The following FRMD4A variants were observed in gnomAD, a reference collection of about 807,000 sequenced individuals.
FRMD4A encodes FERM domain containing 4A, also known as FERM domain-containing protein 4A.
In FRMD4A, 29 loss-of-function variants were observed where a neutral mutation model predicts 129.1. That is an observed-to-expected ratio of 0.22 (90% CI 0.17 to 0.31). The LOEUF is 0.31. FRMD4A is among the 10% of genes least tolerant of loss of function. FRMD4A has a pLI of 1.00. For missense variants in FRMD4A, 1,272 were observed against 1,375.8 expected (o/e 0.92, Z 1.19); for synonymous variants, 634 against 571.6 (o/e 1.11, Z -1.56).
chr10:13,700,865 TA>T (rs5783344), intron 14 of FRMD4A, among the ~76,000 whole-genome samples: 105,562 of 115,836 alleles, frequency 0.91, 49,109 homozygotes, highest in East Asian at 1. Flanking sequence ...AGTTTTGCAT[TA>T]AAAAAAAAAA....
chr10:14,269,293 T>C (rs1346631421), intron 2 of FRMD4A, among the ~76,000 whole-genome samples: 1 of 152,196 alleles, frequency 6.6e-6, no homozygotes, highest in East Asian at 1.9e-4. Flanking sequence ...TCATCCATGG[T>C]TGTATTCATT....
chr10:13,673,688 A>G (rs1257773784), intron 16 of FRMD4A, among the ~76,000 whole-genome samples: 1 of 152,058 alleles, frequency 6.6e-6, no homozygotes, highest in Non-Finnish European at 1.5e-5. Context: ...AAAGGTGGAA[A>G]TGGATATTTA....
chr10:13,774,422 C>T (rs370469224), intron 6 of FRMD4A, among the ~76,000 whole-genome samples: 6 of 152,248 alleles, frequency 3.9e-5, no homozygotes, highest in African/African-American at 9.6e-5. Context: ...ATGAGAGGTT[C>T]GTTCTCTGAA....
At chr10:13,898,787 G>T (rs894222095) in intron 2 of FRMD4A, among the ~76,000 whole-genome samples, 2 of 152,208 alleles carry the variant, frequency 1.3e-5, no homozygotes, top group Admixed American at 6.5e-5. Context: ...AAGCTGGGTT[G>T]TGTAATCCTG....
chr10:13,687,344 C>G (rs534879510), intron 15 of FRMD4A, among the ~76,000 whole-genome samples: 5 of 152,190 alleles, frequency 3.3e-5, no homozygotes, highest in African/African-American at 1.2e-4. Context: ...TGGCAAATCC[C>G]CAAAACAACA....
At chr10:14,312,976 T>C (rs1390204658) in intron 2 of FRMD4A, among the ~76,000 whole-genome samples, 4 of 152,198 alleles carry the variant, frequency 2.6e-5, no homozygotes, top group African/African-American at 9.7e-5. Flanking sequence ...AACTAAAGTA[T>C]TAAGAATCTG....
intron 2 of FRMD4A, among the ~76,000 whole-genome samples, chr10:14,230,652 C>T (rs1391318412): frequency 1.3e-5 from 2 of 152,070 alleles, no homozygotes; most frequent in Non-Finnish European, 2.9e-5. Flanking sequence ...ACTGTAGGTT[C>T]AGGAGATACT....
At chr10:13,971,819 G>A (rs374544341) in intron 2 of FRMD4A, 27 of 1,304,094 alleles carry the variant, frequency 2.1e-5, no homozygotes, top group African/African-American at 3.0e-5. Flanking sequence ...AGACTCTGCC[G>A]CCAACCCTCT....
chr10:13,823,359 C>G (rs938035758), intron 3 of FRMD4A, among the ~76,000 whole-genome samples: 1 of 152,190 alleles, frequency 6.6e-6, no homozygotes, highest in Non-Finnish European at 1.5e-5. Context: ...GTGAGTCTAG[C>G]GTGGCTCCCC....
chr10:13,746,281 G>C (rs553912758), intron 9 of FRMD4A, among the ~76,000 whole-genome samples: 2 of 151,728 alleles, frequency 1.3e-5, no homozygotes, highest in East Asian at 3.9e-4. Context: ...CACAATCTTT[G>C]TTCCCTGCAA....
At chr10:13,865,410 TTTATTTTA>T (rs1480753553) in intron 2 of FRMD4A, among the ~76,000 whole-genome samples, 2 of 92,556 alleles carry the variant, frequency 2.2e-5, no homozygotes, top group Middle Eastern at 4.2e-3. Flanking sequence ...TTTTATTTGT[TTTATTTTA>T]TTTTATTTTA....
intron 15 of FRMD4A, among the ~76,000 whole-genome samples, chr10:13,679,454 A>AT (rs1564590870): frequency 9.2e-4 from 34 of 37,022 alleles, no homozygotes; most frequent in African/African-American, 2.8e-3. Context: ...AAAAAAAAAA[A>AT]AAAAAAATAT....
At chr10:13,839,635 C>T (rs2093931465) in intron 3 of FRMD4A, among the ~76,000 whole-genome samples, 1 of 152,208 alleles carries the variant, frequency 6.6e-6, no homozygotes, top group Admixed American at 6.5e-5. Context: ...CAGATTGCCA[C>T]ATGGTCATGT....
chr10:14,232,163 C>T (rs891114587), intron 2 of FRMD4A, among the ~76,000 whole-genome samples: 1 of 152,148 alleles, frequency 6.6e-6, no homozygotes, highest in African/African-American at 2.4e-5. Flanking sequence ...GCCAGTTATC[C>T]CAGCACCCAT....
chr10:14,045,413 C>A (rs533105157), intron 2 of FRMD4A, among the ~76,000 whole-genome samples: 9 of 152,060 alleles, frequency 5.9e-5, no homozygotes, highest in African/African-American at 1.9e-4. Context: ...TGTGGGTACT[C>A]GCTCTCTTAA....
chr10:13,653,503 G>T (rs944780498), intron 23 of FRMD4A: 3 of 152,282 alleles, frequency 2.0e-5, no homozygotes, highest in Admixed American at 1.3e-4. Context: ...TCAAAAAAAG[G>T]CCAAGTATGA....
In FRMD4A at chr10:13,659,478, G is replaced by A. The variant is rs1307695258; in HGVS notation, c.1911C>T (p.Arg637=). The part of the protein sequence containing the change: ...SSHSHSSSHK[R]FPSTGSCAEA... The stretch of plus-strand genomic sequence containing the variant: ...CCGCACAGCTTCCTGTGCTGGGGAA[G>A]CGCTTGTGGCTGCTGCAAAGCCAAG... The change falls in exon 21 of 25, where the codon CGC becomes CGT. Residue 637 remains arginine (R), a synonymous_variant. Coordinates refer to ENST00000357447, the MANE Select transcript of FRMD4A (RefSeq NM_018027.5). 1 of 1,612,510 alleles carries A rather than the reference G, an allele frequency of 6.2e-7. No homozygotes were observed. Among genetic ancestry groups the A allele is most frequent in the Non-Finnish European group, 8.5e-7 (1 of 1,179,292 alleles).
At position 13,899,873 on chromosome 10, in the gene FRMD4A, G is replaced by A. The variant is rs1219898119; in HGVS notation, c.46-40961C>T. ...CTGTGGATGGAGTCCCAGTTACAGC[G>A]GAAGACACCTGGGAATTGATAGGCT... On this transcript the variant is annotated intron_variant, in intron 2 of 24. Coordinates refer to ENST00000357447, the MANE Select transcript of FRMD4A (RefSeq NM_018027.5). Among the ~76,000 whole-genome samples the A allele has an allele frequency of 3.3e-5, 5 of 152,228 alleles. No homozygotes were observed. In the East Asian group the frequency reaches 5.8e-4, roughly 18 times the overall value.
intron 2 of FRMD4A, among the ~76,000 whole-genome samples, chr10:14,184,253 T>C (rs1776542037): frequency 6.9e-6 from 1 of 145,586 alleles, no homozygotes; most frequent in South Asian, 2.3e-4. Flanking sequence ...TGCCTCAGCC[T>C]CCAGAGTTGC....
Sources: allele counts gnomAD v4.1 joint callset (sites outside exome capture counted in the v4.1 genomes callset), GRCh38; gene constraint gnomAD v4.1.1; transcripts MANE v1.5; gene names NCBI Gene and HGNC (gene_info 2026-07-23, HGNC 2026-07-21).